The following GRIN2C variants were observed in gnomAD, a reference collection of about 807,000 sequenced individuals.
The protein encoded by GRIN2C is glutamate ionotropic receptor NMDA type subunit 2C, also known as glutamate receptor ionotropic, NMDA 2C.
A neutral mutation model predicts 77.7 loss-of-function variants in GRIN2C; 64 were observed. That is an observed-to-expected ratio of 0.82 (90% CI 0.67 to 1.01). The LOEUF is 1.01. GRIN2C is among the 50% of genes least tolerant of loss of function. GRIN2C has a pLI of 0.00. For missense variants in GRIN2C, 1,549 were observed against 1,486.0 expected (o/e 1.04, Z -0.70); for synonymous variants, 792 against 643.4 (o/e 1.23, Z -3.49).
Position 74,850,879 on chromosome 17 carries a change from A to C in GRIN2C, c.1114-112T>G, listed in dbSNP as rs977390980. 5.7e-6 allele frequency: 5 copies of C among 883,556 alleles called. No homozygotes were observed. The African/African-American group carries it at 6.6e-5, about 12-fold the overall frequency. The allele number at this position is 883,556 out of a possible 1,614,324, so 54.7% of individuals were successfully genotyped here. ...CTCTCTCACCTAGGGATGCTGGGGC[A>C]GGTCAGAGTAGGGCTGCTCCCAACA... is the stretch of plus-strand genomic sequence containing the variant. On this transcript the variant is annotated intron_variant, in intron 4 of 12. Transcript: ENST00000293190. This position sits in a 1 kb window ranked among gnomAD's most constrained non-coding sequence, Gnocchi z 5.3.
rs887238871 is a variant in GRIN2C, at chr17:74,851,678, C to T, written c.1012G>A (p.Val338Ile). The change falls in exon 4 of 13, where the codon GTC becomes ATC. Residue 338 changes from valine to isoleucine, a missense_variant. Around this residue, in one of 3 missense-constraint regions of GRIN2C, gnomAD observed 717 missense variants for 858.1 expected, o/e 0.84. Coordinates refer to ENST00000293190, the MANE Select transcript of GRIN2C (RefSeq NM_000835.6). ...REAFYRHLLN[V>I]TWEGRDFSFS... ...GAGAAGTCTCGGCCCTCCCAGGTGACATTCAGTAGGTGCCTGCCAGAGGGG... is the reference window on the plus strand; with the variant it reads ...GAGAAGTCTCGGCCCTCCCAGGTGATATTCAGTAGGTGCCTGCCAGAGGGG... 6.4e-7 allele frequency: 1 copy of T among 1,563,840 alleles called. No individual in the cohort carries two copies. The highest frequency in any genetic ancestry group is 8.7e-7 in the Non-Finnish European group (1 of 1,153,156).
chr17:74,843,611 C>T (rs1021117606), intron 12 of GRIN2C, 58 bp from the exon 13 acceptor site: 2 of 1,520,898 alleles, frequency 1.3e-6, no homozygotes, highest in African/African-American at 1.4e-5. Context: ...GGACCCGCCA[C>T]GATTGTCCCT....
Position 74,842,997 on chromosome 17 carries a change from G to GGGGGCTCCA in GRIN2C, c.3139_3140insTGGAGCCCC (p.Phe1046_Pro1047insLeuGluPro). The GGGGGCTCCA allele has an allele frequency of 1.9e-6, 1 of 519,714 alleles. No homozygotes were observed. The highest frequency in any genetic ancestry group is 3.4e-6 in the Non-Finnish European group (1 of 294,456). 32.2% of individuals were successfully genotyped at this position (519,714 alleles called of 1,614,324 possible). A position where few individuals can be genotyped will look rare whatever the true frequency, so the allele number is the denominator to read the frequency against. ...GAGCAGCGGCAGGTCCTCCAGCTCC[G>GGGGGCTCCA]GGAAGAGCGGGAGGAAGGGGCGGCC... On this transcript the variant is annotated inframe_insertion, in exon 13 of 13. Coordinates refer to ENST00000293190, the MANE Select transcript of GRIN2C (RefSeq NM_000835.6).
upstream of GRIN2C, among the ~76,000 whole-genome samples, chr17:74,861,022 TCTC>T (rs1284606247): frequency 3.3e-5 from 5 of 151,842 alleles, no homozygotes; most frequent in African/African-American, 1.2e-4. Flanking sequence ...TGTTCCCCGC[TCTC>T]CGCCCCGGCG....
chr17:74,849,416 C>T lies in GRIN2C; in HGVS notation c.1645+364G>A, dbSNP rs896148204. ...GACTCCTCACCCAGGAAGCAACACA[C>T]CTCTTCGCACACTACACTCGCTCCT... On this transcript the variant is annotated intron_variant, in intron 7 of 12. Transcript: ENST00000293190. This position sits in a 1 kb window ranked among gnomAD's most constrained non-coding sequence, Gnocchi z 4.6. 6.6e-6 allele frequency among the ~76,000 whole-genome samples: 1 copy of T among 152,220 alleles called. No homozygotes were observed. The highest frequency in any genetic ancestry group is 2.4e-5 in the African/African-American group (1 of 41,454).
intron 1 of GRIN2C, among the ~76,000 whole-genome samples, chr17:74,858,719 C>T (rs1382268630): frequency 3.3e-5 from 5 of 151,246 alleles, no homozygotes; most frequent in Non-Finnish European, 7.4e-5. Flanking sequence ...AAATGAAGTC[C>T]AGACAGCTTA....
intron 11 of GRIN2C, 54 bp from the exon 12 acceptor site, chr17:74,844,562 C>A (rs2037401614): frequency 6.3e-7 from 1 of 1,584,064 alleles, no homozygotes; most frequent in African/African-American, 1.3e-5. Context: ...ATAAGCAACC[C>A]CCTCACAAAG....
upstream of GRIN2C, chr17:74,860,690 G>T (rs1408046980): frequency 8.5e-6 from 3 of 351,894 alleles, no homozygotes; most frequent in Non-Finnish European, 1.1e-5. Flanking sequence ...TTCCCTTTGC[G>T]CTCTGGAAGC....
Position 74,852,286 on chromosome 17 carries a change from T to G in GRIN2C, c.725A>C (p.Gln242Pro). The G allele has an allele frequency of 7.0e-7, 1 of 1,420,782 alleles. No homozygotes were observed. The highest frequency in any genetic ancestry group is 2.9e-5 in the East Asian group (1 of 34,014). 88.0% of individuals were successfully genotyped at this position (1,420,782 alleles called of 1,614,324 possible). A position where few individuals can be genotyped will look rare whatever the true frequency, so the allele number is the denominator to read the frequency against. The change falls in exon 3 of 13, where the codon CAG (glutamine) becomes CCG (proline). Residue 242 changes from glutamine (Q) to proline (P), a missense_variant. Gln to Pro is a moderately conservative substitution (Grantham distance 76, BLOSUM62 -1). Transcript: ENST00000293190. Reference sequence around the variant, plus strand: ...GTGGCCGGGCCCCACCAGACCGGCCTGCGCCGCCTCGGCGAAGAGCACCTC... The same window carrying G: ...GTGGCCGGGCCCCACCAGACCGGCCGGCGCCGCCTCGGCGAAGAGCACCTC... ...EAEVLFAEAAQAGLVGPGHVW... is the reference protein window; with the variant it reads ...EAEVLFAEAAPAGLVGPGHVW...
Position 74,843,339 on chromosome 17 carries a change from GA to G in GRIN2C, c.2797del (p.Ser933ProfsTer278). 6.6e-7 allele frequency: 1 copy of G among 1,505,036 alleles called. No individual in the cohort carries two copies. Among genetic ancestry groups the G allele is most frequent in the Non-Finnish European group, 8.9e-7 (1 of 1,124,038 alleles). The allele number at this position is 1,505,036 out of a possible 1,614,324, so 93.2% of individuals were successfully genotyped here. On this transcript the variant is annotated frameshift_variant, in exon 13 of 13. Transcript: ENST00000293190. LOFTEE classifies it low-confidence loss of function (END_TRUNC). ...WGGGRRAPPP[S>X]PCPTPRSGPS... ...GCCAGACCGCGGGGTCGGGCAGGGG[GA>G]CGGTGGGGGCGCACGGCGGCCGCCA...
chr17:74,843,309 C>T lies in GRIN2C; in HGVS notation c.2828G>A (p.Ser943Asn). 7.2e-7 allele frequency: 1 copy of T among 1,394,648 alleles called. No homozygotes were observed. Among genetic ancestry groups the T allele is most frequent in the South Asian group, 1.3e-5 (1 of 75,416 alleles). The allele number at this position is 1,394,648 out of a possible 1,614,324, so 86.4% of individuals were successfully genotyped here. ...CGGGTCGGGGGTGGGCAGGCATGGG[C>T]TGGGGCCAGACCGCGGGGTCGGGCA... ...SPCPTPRSGPSPCLPTPDPPP... is the reference protein window; with the variant it reads ...SPCPTPRSGPNPCLPTPDPPP... Residue 943 changes from serine to asparagine, a missense_variant, in exon 13 of 13, where the codon AGC becomes AAC. This residue lies in a region of GRIN2C where 450 missense variants were observed against 267.9 expected (regional missense o/e 1.68). Coordinates refer to ENST00000293190, the MANE Select transcript of GRIN2C (RefSeq NM_000835.6).
At position 74,850,028 on chromosome 17, in the gene GRIN2C, A is replaced by T; in HGVS notation, c.1492-95T>A. ...CCAGACACCCCTTCTAGCACCCACC[A>T]GCTGAGTCAATCATTCCCTCTGGGG... On this transcript the variant is annotated intron_variant, in intron 6 of 12. Transcript: ENST00000293190. This position sits in a 1 kb window ranked among gnomAD's most constrained non-coding sequence, Gnocchi z 5.3. 7.0e-7 allele frequency: 1 copy of T among 1,422,772 alleles called. No individual in the cohort carries two copies. The highest frequency in any genetic ancestry group is 9.6e-7 in the Non-Finnish European group (1 of 1,036,272). 88.1% of individuals were successfully genotyped at this position (1,422,772 alleles called of 1,614,324 possible). A position where few individuals can be genotyped will look rare whatever the true frequency, so the allele number is the denominator to read the frequency against.
chr17:74,853,855 C>G (rs1170487873), intron 2 of GRIN2C: 2 of 152,278 alleles, frequency 1.3e-5, no homozygotes, highest in African/African-American at 4.8e-5. Flanking sequence ...GGCCAGGAAG[C>G]TCACAGGGCT....
chr17:74,851,357 G>C, intron 4 of GRIN2C: 2 of 548,444 alleles, frequency 3.6e-6, no homozygotes, highest in Non-Finnish European at 3.3e-6. Context: ...TTCTATAGTA[G>C]AGGGAAGCCG....
chr17:74,845,241 T>C (rs1223309443), intron 11 of GRIN2C, among the ~76,000 whole-genome samples: 1 of 150,172 alleles, frequency 6.7e-6, no homozygotes, highest in Non-Finnish European at 1.5e-5. Context: ...CTCTCATTAT[T>C]ATATGGTTTG....
intron 12 of GRIN2C, 23 bp downstream of exon 12, chr17:74,844,253 T>TGTGGGGAGGG: frequency 6.2e-7 from 1 of 1,612,270 alleles, no homozygotes; most frequent in Non-Finnish European, 8.5e-7. Context: ...CTTTGGCCTG[T>TGTGGGGAGGG]GTGGGGAGGG....
At position 74,844,387 on chromosome 17, in the gene GRIN2C, C is replaced by T; in HGVS notation, c.2472G>A (p.Val824=). The T allele has an allele frequency of 1.2e-6, 2 of 1,614,182 alleles. No homozygotes were observed. Among genetic ancestry groups the T allele is most frequent in the Middle Eastern group, 1.6e-4 (1 of 6,062 alleles). Residue 824 remains valine (V), a synonymous_variant, in exon 12 of 13, where the codon GTG becomes GTA. Coordinates refer to ENST00000293190, the MANE Select transcript of GRIN2C (RefSeq NM_000835.6). ...NMAGVFYMLL[V]AMGLALLVFA... Reference sequence around the variant, plus strand: ...AGACCAGCAGGGCCAGCCCCATGGCCACCAGCAGCATGTAGAAGACGCCTG... The same window carrying T: ...AGACCAGCAGGGCCAGCCCCATGGCTACCAGCAGCATGTAGAAGACGCCTG...
At position 74,850,227 on chromosome 17, in the gene GRIN2C, T is replaced by C. The variant is rs776393805; in HGVS notation, c.1470A>G (p.Val490=). The C allele has an allele frequency of 4.3e-6, 7 of 1,613,474 alleles. No individual in the cohort carries two copies. The African/African-American group carries it at 8.0e-5, about 18-fold the overall frequency. ...NGKHGKRVRG[V]WNGMIGEVYY... ...CTACCTCCCCAATCATGCCGTTCCA[T>C]ACGCCGCGCACCCGCTTGCCATGCT... is the stretch of plus-strand genomic sequence containing the variant. The change falls in exon 6 of 13, where the codon GTA becomes GTG. Residue 490 remains valine, a synonymous_variant. Transcript: ENST00000293190. This position sits in a 1 kb window ranked among gnomAD's most constrained non-coding sequence, Gnocchi z 5.3.
chr17:74,856,629 C>T (rs531433917), intron 1 of GRIN2C, among the ~76,000 whole-genome samples: 7 of 152,078 alleles, frequency 4.6e-5, no homozygotes, highest in Non-Finnish European at 1.0e-4. Flanking sequence ...CAGGCGCCCA[C>T]CACCATGCCC....
Sources: gnomAD v4.1 joint callset for allele counts (sites outside exome capture counted in the v4.1 genomes callset) on GRCh38, gnomAD v4.1.1 for gene constraint, gnomAD v4.1.1 regional missense constraint, Gnocchi (gnomAD v3.1) non-coding constraint, MANE v1.5 for transcripts, NCBI Gene and HGNC (gene_info 2026-07-23, HGNC 2026-07-21) for gene names.